MICU3: variants seen among roughly 807,000 people sequenced by gnomAD.
MICU3 encodes the protein mitochondrial calcium uptake 3.
A neutral mutation model predicts 66.5 loss-of-function variants in MICU3; 62 were observed. The ratio of observed to expected loss-of-function variants is 0.93; its 90% CI spans 0.76 to 1.15. MICU3 has a LOEUF of 1.15. MICU3 is among the 50% of genes most tolerant of loss of function. The pLI, the probability that MICU3 is intolerant of heterozygous loss-of-function variation, is 0.00. For missense variants in MICU3, 779 were observed against 664.4 expected, an observed-to-expected ratio of 1.17 and a Z score of -1.90; for synonymous variants, 308 against 240.7, an observed-to-expected ratio of 1.28 and a Z score of -2.59.
intron 1 of MICU3, among the ~76,000 whole-genome samples, chr8:17,050,235 A>G (rs1002810061): frequency 1.4e-4 from 22 of 152,150 alleles, no homozygotes; most frequent in Admixed American, 1.2e-3. Context: ...AGTAATGAGC[A>G]GTTTTCTTAC....
At chr8:17,135,523 T>C in the MICU3 span, among the ~76,000 whole-genome samples, 7 of 152,136 alleles carry the variant, frequency 4.6e-5, no homozygotes, top group Admixed American at 6.6e-5. Flanking sequence ...AGTTTTTCAA[T>C]TGATTCTCTT....
At chr8:17,093,376 T>C (rs1800292189) in intron 8 of MICU3, among the ~76,000 whole-genome samples, 2 of 152,050 alleles carry the variant, frequency 1.3e-5, no homozygotes, top group South Asian at 2.1e-4. Flanking sequence ...TTGGTGTATA[T>C]TGAGACTTTT....
intron 8 of MICU3, among the ~76,000 whole-genome samples, chr8:17,091,484 T>C (rs1382302037): frequency 1.3e-5 from 2 of 152,056 alleles, no homozygotes; most frequent in Non-Finnish European, 2.9e-5. Context: ...TAAAAGTAGG[T>C]GTATTGTCTC....
intron 11 of MICU3, among the ~76,000 whole-genome samples, chr8:17,113,697 A>G (rs1376803838): frequency 6.6e-6 from 1 of 152,218 alleles, no homozygotes; most frequent in African/African-American, 2.4e-5. Context: ...TGTGCAGGGG[A>G]AACTTTTTTA....
chr8:17,060,801 ATT>A (rs35051264), intron 1 of MICU3, among the ~76,000 whole-genome samples: 94 of 142,212 alleles, frequency 6.6e-4, no homozygotes, highest in South Asian at 1.8e-3. Context: ...TTAGGATATA[ATT>A]TTTTTTTTTT....
chr8:17,117,892 A>G (rs527401765), intron 13 of MICU3, among the ~76,000 whole-genome samples: 1 of 152,320 alleles, frequency 6.6e-6, no homozygotes, highest in Admixed American at 6.5e-5. Context: ...TACAGGCATG[A>G]GCCACCGTAC....
intron 8 of MICU3, among the ~76,000 whole-genome samples, chr8:17,090,940 T>G (rs866210780): frequency 7.2e-5 from 11 of 152,250 alleles, no homozygotes; most frequent in African/African-American, 2.6e-4. Flanking sequence ...AGGTATTTTA[T>G]GAACCAGATC....
At chr8:17,045,892 G>C (rs1171091927) in intron 1 of MICU3, among the ~76,000 whole-genome samples, 3 of 152,122 alleles carry the variant, frequency 2.0e-5, no homozygotes, top group Non-Finnish European at 2.9e-5. Context: ...GAACAGCATG[G>C]GAAAGACCCG....
At chr8:17,093,532 A>G (rs1800309708) in intron 8 of MICU3, among the ~76,000 whole-genome samples, 1 of 151,982 alleles carries the variant, frequency 6.6e-6, no homozygotes, top group Non-Finnish European at 1.5e-5. Flanking sequence ...CTTCTCTGTC[A>G]TTACTAATGT....
At chr8:17,123,734 A>G (rs1419910168), downstream of MICU3, among the ~76,000 whole-genome samples, 40 of 152,072 alleles carry the variant, frequency 2.6e-4, no homozygotes, top group East Asian at 1.9e-4. Context: ...ATGAAATACT[A>G]TATAACTATT....
At chr8:17,083,248 C>G (rs888921610) in intron 5 of MICU3, among the ~76,000 whole-genome samples, 2 of 151,998 alleles carry the variant, frequency 1.3e-5, no homozygotes, top group African/African-American at 4.8e-5. Flanking sequence ...GACAGCTGAT[C>G]CATCAAGTGT....
At chr8:17,136,441 T>A in the MICU3 span, among the ~76,000 whole-genome samples, 1 of 152,196 alleles carries the variant, frequency 6.6e-6, no homozygotes, top group East Asian at 1.9e-4. Flanking sequence ...AAGACCCATG[T>A]CAGAAGGGCT....
At chr8:17,132,736 G>A in the MICU3 span, 1 of 152,222 alleles carries the variant, frequency 6.6e-6, no homozygotes. Flanking sequence ...TGAAATGGCA[G>A]AGCTCAAAGA....
Position 17,071,103 on chromosome 8 carries a change from C to T in MICU3, c.567+1384C>T, listed in dbSNP as rs79728971. 8.4e-3 allele frequency among the ~76,000 whole-genome samples: 1,277 copies of T among 152,136 alleles called. 12 individuals are homozygous for T. Among genetic ancestry groups the T allele is most frequent in the African/African-American group, 0.029 (1,207 of 41,528 alleles). On this transcript the variant is annotated intron_variant, in intron 3 of 14. Coordinates refer to ENST00000318063, the MANE Select transcript of MICU3 (RefSeq NM_181723.3). Reference sequence around the variant, plus strand: ...TGCAGTTGACTGAGGGTCACAGAAACTGTAGAAAGCTAAGCCTCAAATAAG... The same window carrying T: ...TGCAGTTGACTGAGGGTCACAGAAATTGTAGAAAGCTAAGCCTCAAATAAG...
intron 1 of MICU3, among the ~76,000 whole-genome samples, chr8:17,060,405 T>C (rs1016952359): frequency 1.3e-5 from 2 of 152,100 alleles, no homozygotes; most frequent in African/African-American, 4.8e-5. Flanking sequence ...ACGAGTGATT[T>C]CAAGTGATTC....
rs1164429472 is a variant in MICU3, at chr8:17,083,587, C to T, written c.695-1649C>T. On this transcript the variant is annotated intron_variant, in intron 5 of 14. Coordinates refer to ENST00000318063, the MANE Select transcript of MICU3 (RefSeq NM_181723.3). ...TTAAAGCAAGATGGAGTTGGTTAGT[C>T]AGATCTCTTTCACTGTCTCCATTAT... 1.3e-5 allele frequency among the ~76,000 whole-genome samples: 2 copies of T among 152,098 alleles called. 1 individual carries two copies. The highest frequency in any genetic ancestry group is 4.1e-4 in the South Asian group (2 of 4,828).
the MICU3 span, among the ~76,000 whole-genome samples, chr8:17,129,426 G>C: frequency 4.6e-5 from 7 of 152,176 alleles, no homozygotes; most frequent in Non-Finnish European, 7.4e-5. Flanking sequence ...AATAGGTAAA[G>C]AGATGGTAAT....
chr8:17,129,949 T>C, the MICU3 span, among the ~76,000 whole-genome samples: 362 of 152,296 alleles, frequency 2.4e-3, 1 homozygote, highest in African/African-American at 8.3e-3. Flanking sequence ...CAGAAGATAA[T>C]TGTATAACAT....
chr8:17,030,972 T>C (rs1409198623), intron 1 of MICU3, among the ~76,000 whole-genome samples: 1 of 152,192 alleles, frequency 6.6e-6, no homozygotes, highest in African/African-American at 2.4e-5. Context: ...AGCTCTTTTG[T>C]ATTTTTACCT....
Sources: gnomAD v4.1 joint callset for allele counts (sites outside exome capture counted in the v4.1 genomes callset) on GRCh38, gnomAD v4.1.1 for gene constraint, MANE v1.5 for transcripts, NCBI Gene and HGNC (gene_info 2026-07-23, HGNC 2026-07-21) for gene names.